Variants in PTPRD observed in about 807,000 individuals in gnomAD.
PTPRD encodes protein tyrosine phosphatase receptor type D.
PTPRD carries 34 observed loss-of-function variants against 214.5 expected under a neutral mutation model. The observed-to-expected ratio is 0.16, with a 90% CI of 0.12 to 0.21. The LOEUF (loss-of-function observed/expected upper bound fraction) is 0.21. Among genes scored for constraint, PTPRD ranks in the 10% least tolerant of loss-of-function variants. PTPRD has a pLI of 1.00. For missense variants in PTPRD, 2,545 were observed against 2,398.7 expected (o/e 1.06, Z -1.27); for synonymous variants, 1,128 against 845.7 (o/e 1.33, Z -5.79).
Position 8,315,039 on chromosome 9 carries a change from C to T in PTPRD, c.*2835G>A, listed in dbSNP as rs186326052. On this transcript the variant is annotated 3_prime_UTR_variant, in exon 46 of 46. Transcript: ENST00000381196. ...AATTACAAAATTATACATAACTACA[C>T]GTACATAGGTAAATAATAGCACCGT... 3.4e-5 allele frequency: 8 copies of T among 232,202 alleles called. No individual in the cohort carries two copies. Among genetic ancestry groups the T allele is most frequent in the Admixed American group, 1.1e-4 (2 of 17,718 alleles). The allele number at this position is 232,202 out of a possible 1,614,324, so 14.4% of individuals were successfully genotyped here.
intron 11 of PTPRD, among the ~76,000 whole-genome samples, chr9:8,738,695 G>C (rs1217082218): frequency 2.0e-5 from 3 of 151,646 alleles, no homozygotes; most frequent in Non-Finnish European, 4.4e-5. Context: ...AATTTCACTG[G>C]TTACTCTAGG....
intron 10 of PTPRD, among the ~76,000 whole-genome samples, chr9:9,120,702 A>G (rs1251730262): frequency 6.6e-6 from 1 of 152,178 alleles, no homozygotes; most frequent in Non-Finnish European, 1.5e-5. Context: ...GTAGATTTGA[A>G]GTAGCACCTG....
intron 39 of PTPRD, among the ~76,000 whole-genome samples, chr9:8,350,816 AC>A (rs2075248417): frequency 6.6e-6 from 1 of 152,176 alleles, no homozygotes; most frequent in Non-Finnish European, 1.5e-5. Context: ...TGTCATTGAT[AC>A]GCAGTCAAAT....
At chr9:10,109,320 C>T (rs1272405160) in intron 3 of PTPRD, among the ~76,000 whole-genome samples, 3 of 152,070 alleles carry the variant, frequency 2.0e-5, no homozygotes, top group African/African-American at 4.8e-5. Context: ...AGTAAAGAAA[C>T]GGTTGATGTT....
chr9:10,104,413 G>A (rs987644776), intron 3 of PTPRD, among the ~76,000 whole-genome samples: 2 of 151,168 alleles, frequency 1.3e-5, no homozygotes, highest in African/African-American at 4.9e-5. Flanking sequence ...CTATATACAC[G>A]AACACACATA....
intron 8 of PTPRD, among the ~76,000 whole-genome samples, chr9:9,564,750 C>T (rs1328785219): frequency 2.6e-5 from 4 of 152,028 alleles, no homozygotes; most frequent in African/African-American, 9.6e-5. Context: ...TTTTTCCTAA[C>T]TCTAGTTCAG....
At chr9:8,626,948 C>A (rs755788504) in intron 14 of PTPRD, among the ~76,000 whole-genome samples, 5 of 151,620 alleles carry the variant, frequency 3.3e-5, no homozygotes, top group Non-Finnish European at 7.4e-5. Context: ...CTCCAGAGAA[C>A]CCTAATACAC....
intron 10 of PTPRD, among the ~76,000 whole-genome samples, chr9:9,146,632 G>A (rs569109065): frequency 6.6e-6 from 1 of 152,204 alleles, no homozygotes; most frequent in South Asian, 2.1e-4. Context: ...ATAGCTACCT[G>A]ATTAAATGAA....
chr9:10,290,425 T>C (rs980625197), intron 3 of PTPRD, among the ~76,000 whole-genome samples: 9 of 152,158 alleles, frequency 5.9e-5, no homozygotes, highest in African/African-American at 1.9e-4. Flanking sequence ...AAAAAGAATG[T>C]CAGACATTTG....
At position 8,484,397 on chromosome 9, in the gene PTPRD, T is replaced by G. The variant is rs776015442; in HGVS notation, c.3154-19A>C. 6.8e-7 allele frequency: 1 copy of G among 1,461,724 alleles called. No individual in the cohort carries two copies. Among genetic ancestry groups the G allele is most frequent in the Non-Finnish European group, 9.2e-7 (1 of 1,081,904 alleles). The allele number at this position is 1,461,724 out of a possible 1,614,324, so 90.5% of individuals were successfully genotyped here. A position where few individuals can be genotyped will look rare whatever the true frequency, so the allele number is the denominator to read the frequency against. ...AAAGAATCTAAAGAGATAAAACCAA[T>G]AAAAAAAAAATCTGGTTATCAGAGA... is the stretch of plus-strand genomic sequence containing the variant. On this transcript the variant is annotated intron_variant, in intron 29 of 45. Coordinates refer to ENST00000381196, the MANE Select transcript of PTPRD (RefSeq NM_002839.4).
intron 14 of PTPRD, among the ~76,000 whole-genome samples, chr9:8,613,401 A>C (rs1170072418): frequency 1.3e-5 from 2 of 152,196 alleles, no homozygotes; most frequent in East Asian, 3.9e-4. Flanking sequence ...CCTTCTGGGA[A>C]ACAGAGCACT....
chr9:9,194,845 T>G (rs1281012126), intron 9 of PTPRD, among the ~76,000 whole-genome samples: 1 of 152,042 alleles, frequency 6.6e-6, no homozygotes, highest in Non-Finnish European at 1.5e-5. Flanking sequence ...TGAGCATCAA[T>G]GCAGTTGGGT....
In PTPRD at chr9:9,746,757, A is replaced by C. The variant is rs191504688; in HGVS notation, c.-325-12186T>G. Among the ~76,000 whole-genome samples the C allele has an allele frequency of 2.4e-3, 371 of 152,046 alleles. 1 individual carries two copies. The highest frequency in any genetic ancestry group is 4.4e-3 in the Non-Finnish European group (301 of 67,978). ...GCTCACACGCTCTGTAGGAATGTCC[A>C]TCTTGGGTCACAGTTTTTTACTTCA... On this transcript the variant is annotated intron_variant, in intron 6 of 45. Coordinates refer to ENST00000381196, the MANE Select transcript of PTPRD (RefSeq NM_002839.4).
At chr9:9,930,076 G>C (rs905465920) in intron 5 of PTPRD, among the ~76,000 whole-genome samples, 1 of 152,186 alleles carries the variant, frequency 6.6e-6, no homozygotes, top group Non-Finnish European at 1.5e-5. Flanking sequence ...AGATAAAGCA[G>C]AGCTATAGGA....
intron 11 of PTPRD, among the ~76,000 whole-genome samples, chr9:8,932,716 C>T (rs931328884): frequency 1.3e-5 from 2 of 152,152 alleles, no homozygotes; most frequent in Non-Finnish European, 2.9e-5. Context: ...GTGGACCCCC[C>T]CTCCCCACTA....
At chr9:9,447,455 T>C (rs769212997) in intron 8 of PTPRD, among the ~76,000 whole-genome samples, 3 of 151,944 alleles carry the variant, frequency 2.0e-5, no homozygotes, top group Non-Finnish European at 4.4e-5. Flanking sequence ...TATGTAGAAG[T>C]TAAATGATAA....
chr9:8,953,186 TGTGA>T (rs1297363639), intron 11 of PTPRD, among the ~76,000 whole-genome samples: 4 of 151,824 alleles, frequency 2.6e-5, no homozygotes. Context: ...TGTGCAAAAG[TGTGA>T]GTGAAATGTG....
intron 5 of PTPRD, among the ~76,000 whole-genome samples, chr9:9,917,679 C>A (rs28824866): frequency 0.044 from 6,666 of 151,866 alleles, 470 homozygotes; most frequent in African/African-American, 0.15. Flanking sequence ...TGAACAGAGA[C>A]ACAAAAGTCT....
chr9:8,480,870 G>A (rs754730712), intron 30 of PTPRD, among the ~76,000 whole-genome samples: 2 of 152,170 alleles, frequency 1.3e-5, no homozygotes, highest in South Asian at 2.1e-4. Flanking sequence ...GCCGGGCGCC[G>A]TGGCTCACGC....
Sources: allele counts gnomAD v4.1 joint callset (sites outside exome capture counted in the v4.1 genomes callset), GRCh38; gene constraint gnomAD v4.1.1; transcripts MANE v1.5; gene names NCBI Gene and HGNC (gene_info 2026-07-23, HGNC 2026-07-21).